TRPM3: variants seen among roughly 807,000 people sequenced by gnomAD.
The protein encoded by TRPM3 is long transient receptor potential channel 3.
TRPM3 carries 77 observed loss-of-function variants against 181.2 expected under a neutral mutation model. The observed-to-expected ratio is 0.42, with a 90% CI of 0.35 to 0.51. TRPM3 has a LOEUF of 0.51. Ranked by LOEUF, TRPM3 falls within the 20% of genes least tolerant of loss-of-function variation. TRPM3 has a pLI of 0.01. For synonymous variants in TRPM3, 745 were observed against 796.4 expected, an observed-to-expected ratio of 0.94 and a Z score of 1.09; for missense variants, 1,759 against 2,196.7, an observed-to-expected ratio of 0.80 and a Z score of 3.98.
chr9:71,423,072 T>C (rs2093805911), intron 1 of TRPM3, among the ~76,000 whole-genome samples: 1 of 152,120 alleles, frequency 6.6e-6, no homozygotes, highest in South Asian at 2.1e-4. Context: ...TTGCTTCATT[T>C]CCAGCATTTC....
intron 1 of TRPM3, among the ~76,000 whole-genome samples, chr9:71,072,505 C>T (rs1032399024): frequency 6.6e-6 from 1 of 152,094 alleles, no homozygotes; most frequent in African/African-American, 2.4e-5. Context: ...GAGGCAGGTA[C>T]CATTACTGCC....
intron 1 of TRPM3, among the ~76,000 whole-genome samples, chr9:71,270,530 C>T (rs74597650): frequency 0.03 from 4,568 of 152,274 alleles, 201 homozygotes; most frequent in African/African-American, 0.1. Context: ...GGTTCCCCTG[C>T]CTCAGTGTCA....
At chr9:70,804,609 C>T (rs967648519) in intron 6 of TRPM3, among the ~76,000 whole-genome samples, 1 of 152,122 alleles carries the variant, frequency 6.6e-6, no homozygotes, top group African/African-American at 2.4e-5. Context: ...GCTCCTTCTT[C>T]CTCTTCTTTG....
intron 8 of TRPM3, among the ~76,000 whole-genome samples, chr9:70,691,684 C>A (rs1329807598): frequency 6.6e-6 from 1 of 152,156 alleles, no homozygotes; most frequent in Non-Finnish European, 1.5e-5. Flanking sequence ...GGCTAGAGGT[C>A]TACAGGTTCC....
chr9:71,396,887 AC>A (rs1329613434), intron 1 of TRPM3, among the ~76,000 whole-genome samples: 1 of 149,850 alleles, frequency 6.7e-6, no homozygotes, highest in African/African-American at 2.5e-5. Context: ...AATCGCTTGA[AC>A]CCGGGAGGTG....
intron 3 of TRPM3, among the ~76,000 whole-genome samples, chr9:70,852,521 A>G (rs2095268484): frequency 6.6e-6 from 1 of 152,140 alleles, no homozygotes; most frequent in Non-Finnish European, 1.5e-5. Flanking sequence ...AGTGCTGTCA[A>G]CCAGTTCCTT....
chr9:71,421,382 A>T, intron 1 of TRPM3, among the ~76,000 whole-genome samples: 1 of 151,886 alleles, frequency 6.6e-6, no homozygotes, highest in East Asian at 1.9e-4. Flanking sequence ...TTAAAAAAAA[A>T]GGAAGAAAAG....
chr9:70,881,614 G>A (rs2095994645), intron 1 of TRPM3, among the ~76,000 whole-genome samples: 1 of 152,218 alleles, frequency 6.6e-6, no homozygotes, highest in Non-Finnish European at 1.5e-5. Context: ...GTACCATCGA[G>A]TGAGGTAGAT....
intron 1 of TRPM3, among the ~76,000 whole-genome samples, chr9:71,385,899 G>T (rs1388033848): frequency 6.6e-6 from 1 of 151,608 alleles, no homozygotes; most frequent in Admixed American, 6.6e-5. Context: ...TAGAGGCAGG[G>T]TTTCACCATG....
rs186585137 is a variant in TRPM3, at chr9:70,698,121, T to A, written c.1273-16543A>T. Among the ~76,000 whole-genome samples the A allele has an allele frequency of 4.3e-3, 642 of 149,904 alleles. 6 individuals carry two copies. The highest frequency in any genetic ancestry group is 0.015 in the African/African-American group (613 of 40,688). ...TACTCAGGAGGCTGGGGCAGGAGGATCACTTGAACCCGGGAGACGGAGGTT... is the reference window on the plus strand; with the variant it reads ...TACTCAGGAGGCTGGGGCAGGAGGAACACTTGAACCCGGGAGACGGAGGTT... On this transcript the variant is annotated intron_variant, in intron 8 of 25. Transcript: ENST00000677713.
rs545719424 is a variant in TRPM3, at chr9:70,901,739, G to C, written c.178-37228C>G. ...AAGCATCTGAAAGCACTGAAGTTTTGATGCTACTCAATGGCACAAAAGAAT... is the reference window on the plus strand; with the variant it reads ...AAGCATCTGAAAGCACTGAAGTTTTCATGCTACTCAATGGCACAAAAGAAT... On this transcript the variant is annotated intron_variant, in intron 1 of 25. Coordinates refer to ENST00000677713, the MANE Select transcript of TRPM3 (RefSeq NM_001366145.2). 5.9e-5 allele frequency among the ~76,000 whole-genome samples: 9 copies of C among 152,298 alleles called. No homozygotes were observed. In the South Asian group the frequency reaches 1.7e-3, roughly 28 times the overall value.
chr9:71,128,559 T>C (rs2074189834), intron 1 of TRPM3, among the ~76,000 whole-genome samples: 1 of 152,206 alleles, frequency 6.6e-6, no homozygotes, highest in South Asian at 2.1e-4. Flanking sequence ...TTGTAAATGT[T>C]CTCTTTCTAA....
intron 1 of TRPM3, among the ~76,000 whole-genome samples, chr9:71,049,766 G>A (rs912118999): frequency 6.6e-6 from 1 of 152,118 alleles, no homozygotes; most frequent in Non-Finnish European, 1.5e-5. Context: ...TGTAATGGAG[G>A]ATGGGCTCCA....
At chr9:70,918,830 T>A (rs549745909) in intron 1 of TRPM3, among the ~76,000 whole-genome samples, 1 of 152,136 alleles carries the variant, frequency 6.6e-6, no homozygotes, top group East Asian at 1.9e-4. Flanking sequence ...AGAAACTTAT[T>A]TTTTTTAAAA....
chr9:71,275,361 T>C (rs1329951318), intron 1 of TRPM3, among the ~76,000 whole-genome samples: 1 of 152,224 alleles, frequency 6.6e-6, no homozygotes, highest in Non-Finnish European at 1.5e-5. Context: ...AATTGTAACA[T>C]TTTATTGAAA....
chr9:71,247,126 G>A lies in TRPM3; in HGVS notation c.183+199527C>T, dbSNP rs547862097. On this transcript the variant is annotated intron_variant, in intron 1 of 24. Coordinates refer to the TRPM3 transcript ENST00000357533. ...GATTTGCCTGCCTCAGCCTCCCAGT[G>A]TGCTGGGATTACAGGCCTGAGCCAC... 2.8e-4 allele frequency among the ~76,000 whole-genome samples: 42 copies of A among 152,246 alleles called. 1 individual carries two copies. In the South Asian group the frequency reaches 8.7e-3, roughly 32 times the overall value.
At chr9:70,779,184 C>T (rs902632786) in intron 7 of TRPM3, among the ~76,000 whole-genome samples, 1 of 152,128 alleles carries the variant, frequency 6.6e-6, no homozygotes, top group Non-Finnish European at 1.5e-5. Flanking sequence ...TTATTCTTCA[C>T]AATATCCAAT....
chr9:70,887,715 G>A (rs1426058566), intron 1 of TRPM3, among the ~76,000 whole-genome samples: 1 of 152,048 alleles, frequency 6.6e-6, no homozygotes, highest in East Asian at 1.9e-4. Context: ...TATCTTGTGG[G>A]TTTCAACATC....
intron 8 of TRPM3, among the ~76,000 whole-genome samples, chr9:70,746,062 C>CTT: frequency 6.6e-6 from 1 of 152,302 alleles, no homozygotes; most frequent in African/African-American, 2.4e-5. Context: ...GAGTTAAATA[C>CTT]TTAGCTCTCC....
Sources: allele counts gnomAD v4.1 joint callset (sites outside exome capture counted in the v4.1 genomes callset), GRCh38; gene constraint gnomAD v4.1.1; transcripts MANE v1.5; gene names NCBI Gene and HGNC (gene_info 2026-07-23, HGNC 2026-07-21).